Variants in SPTB observed in about 807,000 individuals in gnomAD.
The protein encoded by SPTB is spectrin beta chain, erythrocytic.
SPTB carries 45 observed loss-of-function variants against 256.2 expected under a neutral mutation model. The observed-to-expected ratio is 0.18, with a 90% CI of 0.14 to 0.23. The LOEUF (loss-of-function observed/expected upper bound fraction) is 0.23, where lower values mean the gene tolerates loss of function less well. SPTB is among the 10% of genes least tolerant of loss of function. The pLI, the probability that SPTB is intolerant of heterozygous loss-of-function variation, is 1.00. For missense variants in SPTB, 2,715 were observed against 3,040.4 expected (o/e 0.89, Z 2.52); for synonymous variants, 1,231 against 1,243.1 (o/e 0.99, Z 0.21).
At chr14:64,846,291 G>A (rs1275310905) in intron 1 of SPTB, among the ~76,000 whole-genome samples, 1 of 152,206 alleles carries the variant, frequency 6.6e-6, no homozygotes, top group Non-Finnish European at 1.5e-5. Context: ...ACATCAGGAG[G>A]GGTAGGAGGG....
At chr14:64,854,270 A>C (rs2083834502) in intron 1 of SPTB, among the ~76,000 whole-genome samples, 1 of 136,288 alleles carries the variant, frequency 7.3e-6, no homozygotes, top group South Asian at 2.4e-4. Context: ...TAGTTTTCCA[A>C]ACTCTTTTTT....
intron 19 of SPTB, 150 bp from the exon 20 acceptor site, chr14:64,782,703 T>A: frequency 2.5e-6 from 3 of 1,217,992 alleles, no homozygotes; most frequent in Non-Finnish European, 3.5e-6. Context: ...TGAAATGAAC[T>A]CTGAATCCCC....
At chr14:64,773,479 G>A (rs561788455) in intron 24 of SPTB, 55 bp from the exon 25 acceptor site, 65 of 1,591,056 alleles carry the variant, frequency 4.1e-5, no homozygotes, top group East Asian at 1.1e-4. Context: ...ACCCAGAGCC[G>A]TGGCTCCAGG....
intron 22 of SPTB, among the ~76,000 whole-genome samples, chr14:64,776,880 A>G (rs762976812): frequency 6.6e-6 from 1 of 152,248 alleles, no homozygotes; most frequent in Admixed American, 6.5e-5. Flanking sequence ...ACCCTGGTCT[A>G]GGTAATAGGG....
Position 64,769,725 on chromosome 14 carries a change from A to G in SPTB, c.5802T>C (p.Asp1934=). 1 of 1,614,160 alleles carries G rather than the reference A, an allele frequency of 6.2e-7. No homozygotes were observed. Among genetic ancestry groups the G allele is most frequent in the Non-Finnish European group, 8.5e-7 (1 of 1,180,014 alleles). Residue 1934 remains aspartate (D), a synonymous_variant, in exon 28 of 36, where the codon GAT becomes GAC. Transcript: ENST00000644917. Reference sequence around the variant, plus strand: ...TCATGAGCAGTTCCACAGAGGAGACATCCCTGGGGGACAGGAGGACAAGGG... The same window carrying G: ...TCATGAGCAGTTCCACAGAGGAGACGTCCCTGGGGGACAGGAGGACAAGGG... ...RQIETQERPR[D]VSSVELLMKY...
At chr14:64,875,526 A>G (rs1882779677) in intron 1 of SPTB, among the ~76,000 whole-genome samples, 1 of 152,204 alleles carries the variant, frequency 6.6e-6, no homozygotes. Context: ...CCATCTCCAA[A>G]ACAGGTGACC....
intron 6 of SPTB, 123 bp from the exon 7 acceptor site, chr14:64,801,523 A>AGGAGAT: frequency 1.2e-6 from 1 of 835,112 alleles, no homozygotes; most frequent in East Asian, 2.6e-5. Flanking sequence ...GAGTGAAAGG[A>AGGAGAT]GGAGATGGGA....
rs1280998055 is a variant in SPTB at position 64,816,319 on chromosome 14, T to C, written c.148+6628A>G. On this transcript the variant is annotated intron_variant, in intron 2 of 35. Coordinates refer to ENST00000644917, the MANE Select transcript of SPTB (RefSeq NM_001355436.2). This position sits in a 1 kb window ranked among gnomAD's most constrained non-coding sequence, Gnocchi z 4.2. ...GATATCAATTTACCCTAAATCAATATATATTCCCTCCTTAAACTCCACAGC... is the reference window on the plus strand; with the variant it reads ...GATATCAATTTACCCTAAATCAATACATATTCCCTCCTTAAACTCCACAGC... 6.6e-6 allele frequency among the ~76,000 whole-genome samples: 1 copy of C among 152,084 alleles called. No homozygotes were observed. The highest frequency in any genetic ancestry group is 1.5e-5 in the Non-Finnish European group (1 of 68,000).
chr14:64,753,624 G>A lies in SPTB; in HGVS notation c.6515C>T (p.Pro2172Leu), dbSNP rs139236988. The A allele has an allele frequency of 1.7e-3, 2,780 of 1,613,652 alleles. 7 individuals are homozygous for A. Among genetic ancestry groups the A allele is most frequent in the Non-Finnish European group, 2.1e-3 (2,515 of 1,180,012 alleles). The change falls in exon 33 of 36, where the codon CCG becomes CTG. Residue 2172 changes from proline to leucine, a missense_variant. This residue lies in a region of SPTB where 2,239 missense variants were observed against 2,384.4 expected (regional missense o/e 0.94). Coordinates refer to ENST00000644917, the MANE Select transcript of SPTB (RefSeq NM_001355436.2). ...CTGCACACTCTGCCCATGGTCCCGC[G>A]GGGCCGGCAGCGTTGCGGGCTCATC... ...EGDEPATLPA[P>L]RDHGQSVQME...
Position 64,802,152 on chromosome 14 carries a change from T to G in SPTB, c.566+74A>C. ...TCTGGGTGATGATGTCTAATGTCCC[T>G]CTGGAGATGGCAGTGCTTGTGCGGA... On this transcript the variant is annotated intron_variant, in intron 5 of 35. Transcript: ENST00000644917. The surrounding 1 kb of genome is among the most constrained non-coding windows in gnomAD (Gnocchi z 5.1). The G allele has an allele frequency of 1.4e-6, 2 of 1,386,744 alleles. No individual in the cohort carries two copies. The highest frequency in any genetic ancestry group is 2.0e-6 in the Non-Finnish European group (2 of 976,232). 85.9% of individuals were successfully genotyped at this position (1,386,744 alleles called of 1,614,324 possible). A position where few individuals can be genotyped will look rare whatever the true frequency, so the allele number is the denominator to read the frequency against.
intron 1 of SPTB, among the ~76,000 whole-genome samples, chr14:64,862,277 C>T (rs1434601284): frequency 2.0e-5 from 3 of 152,090 alleles, no homozygotes; most frequent in Non-Finnish European, 2.9e-5. Context: ...CCACTCTCAG[C>T]GGCTCTCTCC....
At position 64,784,161 on chromosome 14, in the gene SPTB, G is replaced by A. The variant is rs1231640626; in HGVS notation, c.4002+86C>T. Reference sequence around the variant, plus strand: ...CGTTCTGTACTGTCAGCAAGCTTTAGGACAGGGTCCACACCCTGGGTGAAG... The same window carrying A: ...CGTTCTGTACTGTCAGCAAGCTTTAAGACAGGGTCCACACCCTGGGTGAAG... On this transcript the variant is annotated intron_variant, in intron 19 of 35. Transcript: ENST00000644917. 3.8e-6 allele frequency: 6 copies of A among 1,593,558 alleles called. No individual in the cohort carries two copies. The East Asian group carries it at 1.1e-4, about 30-fold the overall frequency.
chr14:64,815,288 TCTCCCATGAAGCGC>T lies in SPTB; in HGVS notation c.148+7645_148+7658del, dbSNP rs1271036789. On this transcript the variant is annotated intron_variant, in intron 2 of 35. Coordinates refer to ENST00000644917, the MANE Select transcript of SPTB (RefSeq NM_001355436.2). ...AGGGGCATCTCCCATGAAGCGGGCA[TCTCCCATGAAGCGC>T]GAAGGAGCATGTGAGGTAAGAATGA... is the stretch of plus-strand genomic sequence containing the variant. Among the ~76,000 whole-genome samples the T allele has an allele frequency of 6.0e-3, 633 of 105,694 alleles. 3 individuals carry two copies. The highest frequency in any genetic ancestry group is 0.026 in the African/African-American group (599 of 22,728). 69.3% of individuals were successfully genotyped at this position (105,694 alleles called of 152,430 possible).
intron 2 of SPTB, among the ~76,000 whole-genome samples, chr14:64,814,513 C>CTTAT (rs746746016): frequency 3.8e-4 from 58 of 151,818 alleles, no homozygotes; most frequent in Non-Finnish European, 5.9e-4. Context: ...TATCTTATTG[C>CTTAT]TTATTTATTT....
At position 64,823,188 on chromosome 14, in the gene SPTB, C is replaced by A. The variant is rs1321152298; in HGVS notation, c.-51-43G>T. 3.6e-5 allele frequency: 55 copies of A among 1,514,554 alleles called. No individual in the cohort carries two copies. The highest frequency in any genetic ancestry group is 1.3e-4 in the Admixed American group (8 of 59,300). 93.8% of individuals were successfully genotyped at this position (1,514,554 alleles called of 1,614,324 possible). A position where few individuals can be genotyped will look rare whatever the true frequency, so the allele number is the denominator to read the frequency against. ...AGTCAGAGGGTTATCTCTCTACCCC[C>A]TCGGACTTTTTCTCCGGGGAAACTT... is the stretch of plus-strand genomic sequence containing the variant. On this transcript the variant is annotated intron_variant, in intron 1 of 35. Transcript: ENST00000644917. This position sits in a 1 kb window ranked among gnomAD's most constrained non-coding sequence, Gnocchi z 6.5.
chr14:64,782,279 C>G lies in SPTB; in HGVS notation c.4266+11G>C. 1 of 1,614,180 alleles carries G rather than the reference C, an allele frequency of 6.2e-7. No homozygotes were observed. The highest frequency in any genetic ancestry group is 8.5e-7 in the Non-Finnish European group (1 of 1,180,036). ...ATCCTAACACTCTGAGTCTACAACC[C>G]ACTCACGTGCCTTCAGCTTAGCCAA... On this transcript the variant is annotated intron_variant, in intron 20 of 35. Coordinates refer to ENST00000644917, the MANE Select transcript of SPTB (RefSeq NM_001355436.2).
intron 1 of SPTB, among the ~76,000 whole-genome samples, chr14:64,855,403 G>C (rs1159269795): frequency 6.6e-6 from 1 of 152,136 alleles, no homozygotes; most frequent in Non-Finnish European, 1.5e-5. Context: ...TATTCTTTAT[G>C]GCTTGGGGAA....
intron 1 of SPTB, among the ~76,000 whole-genome samples, chr14:64,868,790 C>T (rs534368999): frequency 5.1e-4 from 78 of 152,188 alleles, no homozygotes; most frequent in African/African-American, 1.7e-3. Context: ...TTTTCTAAAG[C>T]GGTTTTGGTA....
Position 64,786,118 on chromosome 14 carries a change from AC to A in SPTB, c.3562-168del, listed in dbSNP as rs950735841. ...CTCCCCAGGCCTTGCCCCCACCCCT[AC>A]CCCAGGGGCACACAATAAACAGTGT... On this transcript the variant is annotated intron_variant, in intron 16 of 35. Transcript: ENST00000644917. The surrounding 1 kb of genome is among the most constrained non-coding windows in gnomAD (Gnocchi z 5.6). 7.2e-5 allele frequency among the ~76,000 whole-genome samples: 11 copies of A among 151,882 alleles called. No individual in the cohort carries two copies. The highest frequency in any genetic ancestry group is 2.7e-4 in the African/African-American group (11 of 41,352).
Sources: gnomAD v4.1 joint callset for allele counts (sites outside exome capture counted in the v4.1 genomes callset) on GRCh38, gnomAD v4.1.1 for gene constraint, gnomAD v4.1.1 regional missense constraint, Gnocchi (gnomAD v3.1) non-coding constraint, MANE v1.5 for transcripts, NCBI Gene and HGNC (gene_info 2026-07-23, HGNC 2026-07-21) for gene names.